The following PHF20 variants were observed in gnomAD, a reference collection of about 807,000 sequenced individuals.
PHF20 encodes glioma-expressed antigen 2.
In PHF20, 23 loss-of-function variants were observed where a neutral mutation model predicts 113.5. The ratio of observed to expected loss-of-function variants is 0.20; its 90% confidence interval spans 0.15 to 0.29. The LOEUF (loss-of-function observed/expected upper bound fraction) is 0.29, where lower values mean the gene tolerates loss of function less well. PHF20 is among the 10% of genes least tolerant of loss of function. The pLI is 1.00. For missense variants in PHF20, 943 were observed against 1,219.6 expected (o/e 0.77, Z 3.38); for synonymous variants, 434 against 457.3 (o/e 0.95, Z 0.65).
intron 12 of PHF20, among the ~76,000 whole-genome samples, chr20:35,915,015 T>C (rs1315997504): frequency 6.8e-6 from 1 of 146,394 alleles, no homozygotes; most frequent in Non-Finnish European, 1.5e-5. Context: ...TATACATATA[T>C]ATATGTATAT....
At position 35,865,497 on chromosome 20, in the gene PHF20, G is replaced by GTTTT. The variant is rs201623482; in HGVS notation, c.808+2119_808+2122dup. Among the ~76,000 whole-genome samples, 627 of 96,576 alleles carry GTTTT rather than the reference G, an allele frequency of 6.5e-3. 14 individuals are homozygous for GTTTT. The highest frequency in any genetic ancestry group is 0.013 in the African/African-American group (290 of 22,586). 63.4% of individuals were successfully genotyped at this position (96,576 alleles called of 152,430 possible). On this transcript the variant is annotated intron_variant, in intron 6 of 17. Transcript: ENST00000374012. ...TATTTAAATTAACTTTTTAAGTTGT[G>GTTTT]TTTTTTTTTTTTTTTTTTTTTTTTT...
intron 2 of PHF20, among the ~76,000 whole-genome samples, chr20:35,840,439 G>T (rs2042518486): frequency 6.6e-6 from 1 of 152,126 alleles, no homozygotes; most frequent in Non-Finnish European, 1.5e-5. Context: ...ACCACAAAAG[G>T]ATTTAACGTG....
chr20:35,782,600 A>G (rs760782606), intron 1 of PHF20: 3 of 152,210 alleles, frequency 2.0e-5, no homozygotes, highest in Non-Finnish European at 4.4e-5. Flanking sequence ...TTTCATGTCC[A>G]GGCTGCATGG....
intron 13 of PHF20, among the ~76,000 whole-genome samples, chr20:35,926,720 C>G (rs984391564): frequency 1.1e-4 from 16 of 152,126 alleles, no homozygotes; most frequent in African/African-American, 3.6e-4. Context: ...TTCCTAGAGG[C>G]CTTATATCTG....
At chr20:35,913,119 G>C in intron 10 of PHF20, 130 bp from the exon 11 acceptor site, 3 of 439,008 alleles carry the variant, frequency 6.8e-6, no homozygotes, top group Non-Finnish European at 4.4e-6. Context: ...TCTGCCTCCA[G>C]ACTGGAGCAA....
At chr20:35,851,130 A>G (rs928734597) in intron 4 of PHF20, among the ~76,000 whole-genome samples, 2 of 152,028 alleles carry the variant, frequency 1.3e-5, no homozygotes, top group Non-Finnish European at 2.9e-5. Flanking sequence ...GTAGTGTACA[A>G]CTCTGCTCTG....
At chr20:35,842,776 T>C (rs2042556030) in intron 3 of PHF20, 32 bp downstream of exon 3, 1 of 1,594,416 alleles carries the variant, frequency 6.3e-7, no homozygotes, top group African/African-American at 1.3e-5. Flanking sequence ...TTCTGTAGTA[T>C]GCAAGGTCAG....
chr20:35,902,264 T>C (rs577520413), intron 10 of PHF20, among the ~76,000 whole-genome samples: 7 of 152,274 alleles, frequency 4.6e-5, no homozygotes, highest in South Asian at 2.1e-4. Flanking sequence ...ATGGAGGTCA[T>C]TGAGGTGTCA....
At chr20:35,787,003 T>G (rs1307132772) in intron 1 of PHF20, among the ~76,000 whole-genome samples, 1 of 150,908 alleles carries the variant, frequency 6.6e-6, no homozygotes, top group Non-Finnish European at 1.5e-5. Flanking sequence ...TTTTTTTTTT[T>G]TTTGGAGACA....
intron 15 of PHF20, 30 bp downstream of exon 15, chr20:35,931,474 A>G: frequency 6.3e-7 from 1 of 1,575,586 alleles, no homozygotes; most frequent in Non-Finnish European, 8.7e-7. Context: ...TGCTGGGAGC[A>G]GTCTGTTTGG....
chr20:35,780,391 A>T (rs964680469), intron 1 of PHF20, among the ~76,000 whole-genome samples: 1 of 149,912 alleles, frequency 6.7e-6, no homozygotes, highest in Non-Finnish European at 1.5e-5. Flanking sequence ...ATGCCCGGCT[A>T]ATTTTTTGTA....
chr20:35,791,149 G>A (rs1054053499), intron 1 of PHF20, among the ~76,000 whole-genome samples: 2 of 152,106 alleles, frequency 1.3e-5, no homozygotes, highest in African/African-American at 2.4e-5. Context: ...GAGCCACCGC[G>A]TCCGGCCTGA....
intron 9 of PHF20, among the ~76,000 whole-genome samples, chr20:35,894,635 G>A (rs563925085): frequency 8.5e-5 from 13 of 152,290 alleles, no homozygotes; most frequent in Middle Eastern, 6.8e-3. Flanking sequence ...CTTATGTGCC[G>A]TACACCTTTC....
At chr20:35,944,586 T>C (rs1363529493) in intron 17 of PHF20, among the ~76,000 whole-genome samples, 1 of 152,230 alleles carries the variant, frequency 6.6e-6, no homozygotes, top group Non-Finnish European at 1.5e-5. Context: ...TTTTATTTTT[T>C]TAAGACGGAG....
chr20:35,913,365 G>T lies in PHF20; in HGVS notation c.1660+18G>T. On this transcript the variant is annotated intron_variant, in intron 11 of 17. Transcript: ENST00000374012. ...CAAACCTGGTAATTTTTTTTCCTGA[G>T]GGTTTCACTTAGGTTTCCTTACTAT... The T allele has an allele frequency of 6.5e-7, 1 of 1,543,776 alleles. No individual in the cohort carries two copies. The highest frequency in any genetic ancestry group is 1.2e-5 in the South Asian group (1 of 86,308).
intron 2 of PHF20, among the ~76,000 whole-genome samples, chr20:35,807,543 G>T (rs559933922): frequency 1.4e-4 from 21 of 151,886 alleles, no homozygotes; most frequent in Non-Finnish European, 2.8e-4. Context: ...AGTAGAGGCG[G>T]GGTTTTGCCA....
intron 6 of PHF20, among the ~76,000 whole-genome samples, chr20:35,868,035 T>C (rs2054348038): frequency 6.6e-6 from 1 of 152,190 alleles, no homozygotes; most frequent in Non-Finnish European, 1.5e-5. Context: ...GGCTCACGCC[T>C]GTAATCTCAG....
At chr20:35,875,977 GA>G (rs898293104) in intron 9 of PHF20, among the ~76,000 whole-genome samples, 72 of 152,302 alleles carry the variant, frequency 4.7e-4, no homozygotes, top group African/African-American at 1.7e-3. Context: ...GGATTGTGGA[GA>G]GGACAGAATC....
chr20:35,862,922 C>T, intron 5 of PHF20, 91 bp from the exon 6 acceptor site: 1 of 1,303,482 alleles, frequency 7.7e-7, no homozygotes, highest in African/African-American at 1.5e-5. Flanking sequence ...GTTTTAATTT[C>T]TTTGTTTGTC....
Sources: allele counts gnomAD v4.1 joint callset (sites outside exome capture counted in the v4.1 genomes callset), GRCh38; gene constraint gnomAD v4.1.1; transcripts MANE v1.5; gene names NCBI Gene and HGNC (gene_info 2026-07-23, HGNC 2026-07-21).